Variants in PCMT1 observed in about 807,000 individuals in gnomAD.
PCMT1 encodes the protein protein-L-isoaspartate (D-aspartate) O-methyltransferase.
A neutral mutation model predicts 29.2 loss-of-function variants in PCMT1; 9 were observed. The observed-to-expected ratio is 0.31, with a 90% CI of 0.19 to 0.54. The LOEUF (loss-of-function observed/expected upper bound fraction) is 0.54. Ranked by LOEUF, PCMT1 falls within the 20% of genes least tolerant of loss-of-function variation. The pLI, the probability that PCMT1 is intolerant of heterozygous loss-of-function variation, is 0.95. For synonymous variants in PCMT1, 98 were observed against 97.5 expected (o/e 1.00, Z -0.03); for missense variants, 184 against 282.2 (o/e 0.65, Z 2.49).
intron 1 of PCMT1, among the ~76,000 whole-genome samples, chr6:149,765,107 C>A (rs915397069): frequency 4.0e-5 from 6 of 150,602 alleles, no homozygotes; most frequent in African/African-American, 1.5e-4. Context: ...CGCCTGTAAT[C>A]CTAGCACTTT....
chr6:149,760,929 AATTGTAAGAGTTCAC>A (rs1468328803), intron 1 of PCMT1, among the ~76,000 whole-genome samples: 1 of 152,196 alleles, frequency 6.6e-6, no homozygotes, highest in Non-Finnish European at 1.5e-5. Context: ...ACAAGAACTT[AATTGTAAGAGTTCAC>A]ATAATCACAG....
chr6:149,775,136 G>C (rs10457850), intron 3 of PCMT1, among the ~76,000 whole-genome samples: 81,276 of 152,056 alleles, frequency 0.53, 24,952 homozygotes, highest in East Asian at 0.83. Flanking sequence ...TGAGCCACTG[G>C]GCCTGGCCAG....
At chr6:149,787,508 G>A (rs1440507394) in intron 3 of PCMT1, among the ~76,000 whole-genome samples, 3 of 151,702 alleles carry the variant, frequency 2.0e-5, no homozygotes, top group African/African-American at 7.3e-5. Flanking sequence ...TGGGATTACA[G>A]CCGCCACCAC....
At chr6:149,755,658 T>C (rs905490042) in intron 1 of PCMT1, among the ~76,000 whole-genome samples, 1 of 152,214 alleles carries the variant, frequency 6.6e-6, no homozygotes, top group African/African-American at 2.4e-5. Context: ...ATTCTTGATT[T>C]TGTCATTTTA....
chr6:149,751,127 G>T (rs1448870802), intron 1 of PCMT1, among the ~76,000 whole-genome samples: 6 of 152,142 alleles, frequency 3.9e-5, no homozygotes, highest in African/African-American at 1.4e-4. Context: ...GACCAGCCAG[G>T]CCGACATGGT....
chr6:149,759,318 G>C (rs1027662978), intron 1 of PCMT1, among the ~76,000 whole-genome samples: 13 of 152,108 alleles, frequency 8.5e-5, no homozygotes, highest in Non-Finnish European at 1.8e-4. Flanking sequence ...ATTTCTTATT[G>C]TTTTTCCAGA....
intron 1 of PCMT1, among the ~76,000 whole-genome samples, chr6:149,759,430 C>T (rs916212742): frequency 2.0e-5 from 3 of 152,058 alleles, no homozygotes; most frequent in African/African-American, 7.3e-5. Flanking sequence ...TAGATGTAAC[C>T]TTGTAACAAG....
intron 3 of PCMT1, among the ~76,000 whole-genome samples, chr6:149,780,104 C>T (rs967388010): frequency 1.3e-5 from 2 of 151,688 alleles, no homozygotes; most frequent in Non-Finnish European, 2.9e-5. Context: ...TTTGGGAGGC[C>T]GAGGCCAGAG....
chr6:149,793,459 A>T (rs1314997081), intron 4 of PCMT1, 90 bp from the exon 5 acceptor site: 2 of 1,195,110 alleles, frequency 1.7e-6, no homozygotes, highest in African/African-American at 3.2e-5. Context: ...CTCTTTGTAG[A>T]ATATGACTTT....
intron 1 of PCMT1, chr6:149,765,709 GT>G: frequency 2.9e-6 from 1 of 349,646 alleles, no homozygotes; most frequent in Non-Finnish European, 5.4e-6. Flanking sequence ...GCTCATACCT[GT>G]AATACCAGCA....
chr6:149,810,919 G>T lies in PCMT1; in HGVS notation c.*341G>T, dbSNP rs1776141890. On this transcript the variant is annotated 3_prime_UTR_variant, in exon 8 of 8. Transcript: ENST00000464889. Reference sequence around the variant, plus strand: ...CTGTAAAATGGAAAACTTAGTTTGTGAATTGATTTTGAGGAGTGGTTTTTC... The same window carrying T: ...CTGTAAAATGGAAAACTTAGTTTGTTAATTGATTTTGAGGAGTGGTTTTTC... 3 of 309,550 alleles carry T rather than the reference G, an allele frequency of 9.7e-6. No homozygotes were observed. Among genetic ancestry groups the T allele is most frequent in the Non-Finnish European group, 1.8e-5 (3 of 169,734 alleles). 19.2% of individuals were successfully genotyped at this position (309,550 alleles called of 1,614,324 possible).
Position 149,749,819 on chromosome 6 carries a change from A to AC in PCMT1, c.-83_-82insC. 1 of 1,557,478 alleles carries AC rather than the reference A, an allele frequency of 6.4e-7. No individual in the cohort carries two copies. Among genetic ancestry groups the AC allele is most frequent in the Non-Finnish European group, 8.7e-7 (1 of 1,150,088 alleles). On this transcript the variant is annotated 5_prime_UTR_variant, in exon 1 of 8. Transcript: ENST00000464889. ...GCGAGCGGGGCGGTGACGGTGTGGG[A>AC]GGTGGTCTCACTCTTGGGAAAACTG...
At chr6:149,755,533 G>A (rs546119836) in intron 1 of PCMT1, among the ~76,000 whole-genome samples, 26 of 152,218 alleles carry the variant, frequency 1.7e-4, no homozygotes, top group African/African-American at 6.0e-4. Context: ...TGTGGGTAAA[G>A]GGAAACTACT....
chr6:149,791,676 A>G (rs563499611), intron 4 of PCMT1, among the ~76,000 whole-genome samples: 1 of 152,318 alleles, frequency 6.6e-6, no homozygotes, highest in South Asian at 2.1e-4. Context: ...CCTGGCACAT[A>G]ATAAGGACTC....
intron 7 of PCMT1, among the ~76,000 whole-genome samples, chr6:149,803,476 A>G (rs967913491): frequency 7.2e-6 from 1 of 139,290 alleles, no homozygotes; most frequent in African/African-American, 2.5e-5. Context: ...TTTATGTCTC[A>G]GCATAATCTG....
chr6:149,758,238 T>C (rs1487953710), intron 1 of PCMT1, among the ~76,000 whole-genome samples: 1 of 144,160 alleles, frequency 6.9e-6, no homozygotes, highest in Non-Finnish European at 1.5e-5. Context: ...TGAGACAGAG[T>C]CTTGCTCTGT....
chr6:149,768,673 C>G (rs932543771), intron 1 of PCMT1, among the ~76,000 whole-genome samples: 2 of 151,766 alleles, frequency 1.3e-5, no homozygotes, highest in African/African-American at 4.8e-5. Flanking sequence ...GTTGCTCATG[C>G]TTGAGTGCAG....
rs370346288 is a variant in PCMT1 at position 149,750,573 on chromosome 6, G to A, written c.55+617G>A. Among the ~76,000 whole-genome samples the A allele has an allele frequency of 7.9e-5, 12 of 152,270 alleles. No individual in the cohort carries two copies. The East Asian group carries it at 2.1e-3, about 27-fold the overall frequency. On this transcript the variant is annotated intron_variant, in intron 1 of 7. Transcript: ENST00000464889. ...GGCTGTCCAGTGGAAAGCTCCGTGC[G>A]GGGCGGAGAAAGAACAGGGGATGCT...
In PCMT1 at chr6:149,763,258, GATATCTATGATATAA is replaced by G. The variant is rs1301761785; in HGVS notation, c.56-7890_56-7876del. ...TGATATCTATGATATATATATCTAT[GATATCTATGATATAA>G]ATATCTATGATATCTATGATATATA... On this transcript the variant is annotated intron_variant, in intron 1 of 7. Coordinates refer to ENST00000464889, the MANE Select transcript of PCMT1 (RefSeq NM_001360452.2). Among the ~76,000 whole-genome samples the G allele has an allele frequency of 4.8e-4, 27 of 56,128 alleles. 7 individuals carry two copies. The highest frequency in any genetic ancestry group is 5.2e-5 in the Non-Finnish European group (2 of 38,150). The allele number at this position is 56,128 out of a possible 152,430, so 36.8% of individuals were successfully genotyped here. A position where few individuals can be genotyped will look rare whatever the true frequency, so the allele number is the denominator to read the frequency against.
Sources: allele counts gnomAD v4.1 joint callset (sites outside exome capture counted in the v4.1 genomes callset), GRCh38; gene constraint gnomAD v4.1.1; transcripts MANE v1.5; gene names NCBI Gene and HGNC (gene_info 2026-07-23, HGNC 2026-07-21).